HECW2: variants seen among roughly 807,000 people sequenced by gnomAD.
HECW2 encodes E3 ubiquitin-protein ligase HECW2.
A neutral mutation model predicts 175.2 loss-of-function variants in HECW2; 61 were observed. That is an observed-to-expected ratio of 0.35 (90% CI 0.28 to 0.43). The LOEUF is 0.43. Ranked by LOEUF, HECW2 falls within the 20% of genes least tolerant of loss-of-function variation. HECW2 has a pLI of 1.00. For missense variants in HECW2, 1,524 were observed against 2,000.5 expected, an observed-to-expected ratio of 0.76 and a Z score of 4.54; for synonymous variants, 671 against 731.0, an observed-to-expected ratio of 0.92 and a Z score of 1.32.
intron 2 of HECW2, among the ~76,000 whole-genome samples, chr2:196,428,364 AT>A (rs1695609284): frequency 6.6e-6 from 1 of 152,180 alleles, no homozygotes; most frequent in South Asian, 2.1e-4. Context: ...CAGCACATCT[AT>A]TTCACAGAGC....
chr2:196,553,655 T>A (rs1689682058), intron 1 of HECW2, among the ~76,000 whole-genome samples: 1 of 152,246 alleles, frequency 6.6e-6, no homozygotes, highest in Admixed American at 6.5e-5. Flanking sequence ...TTTGTTGGTC[T>A]AGGAGACATC....
chr2:196,389,802 T>C (rs1408446970), intron 2 of HECW2, among the ~76,000 whole-genome samples: 1 of 151,992 alleles, frequency 6.6e-6, no homozygotes, highest in African/African-American at 2.4e-5. Context: ...GGGGAGTGAG[T>C]TCAGATGTTT....
intron 2 of HECW2, among the ~76,000 whole-genome samples, chr2:196,413,349 T>C (rs1402909677): frequency 6.6e-6 from 1 of 151,304 alleles, no homozygotes; most frequent in African/African-American, 2.4e-5. Context: ...AGCAAGACCC[T>C]GTCTTTTTTT....
rs76236855 is a variant in HECW2 at position 196,399,581 on chromosome 2, C to T, written c.292+33551G>A. On this transcript the variant is annotated intron_variant, in intron 2 of 28. Transcript: ENST00000644978. ...GCATGTTACAAACATTTGCTCACTT[C>T]TTTCTCTAGTCCTACAGGAGTTATG... 4.5e-4 allele frequency among the ~76,000 whole-genome samples: 69 copies of T among 152,324 alleles called. 1 individual carries two copies. The East Asian group carries it at 0.012, about 27-fold the overall frequency.
chr2:196,531,009 TCCGCAATATTATCC>T (rs1309354709), intron 1 of HECW2, among the ~76,000 whole-genome samples: 1 of 152,200 alleles, frequency 6.6e-6, no homozygotes, highest in Non-Finnish European at 1.5e-5. Context: ...TCTCACTTCC[TCCGCAATATTATCC>T]CTAACCTTAA....
intron 1 of HECW2, among the ~76,000 whole-genome samples, chr2:196,564,346 C>T (rs1335444887): frequency 6.6e-6 from 1 of 151,918 alleles, no homozygotes; most frequent in Non-Finnish European, 1.5e-5. Flanking sequence ...GATAATTCAA[C>T]ATAAAATGTA....
intron 1 of HECW2, among the ~76,000 whole-genome samples, chr2:196,550,262 T>A (rs1265411937): frequency 1.3e-5 from 2 of 152,192 alleles, no homozygotes; most frequent in Non-Finnish European, 2.9e-5. Context: ...GAAGTCTCCA[T>A]CCAGACTTCA....
At chr2:196,358,737 C>A (rs1180721523) in intron 2 of HECW2, among the ~76,000 whole-genome samples, 1 of 151,284 alleles carries the variant, frequency 6.6e-6, no homozygotes, top group Non-Finnish European at 1.5e-5. Flanking sequence ...ATTCTAATTT[C>A]TCATAAATAT....
At chr2:196,382,637 C>T (rs1694239631) in intron 2 of HECW2, among the ~76,000 whole-genome samples, 1 of 152,096 alleles carries the variant, frequency 6.6e-6, no homozygotes, top group African/African-American at 2.4e-5. Context: ...AGAGTCTGTA[C>T]AATATAATAG....
chr2:196,535,289 G>A (rs1342281593), intron 1 of HECW2, among the ~76,000 whole-genome samples: 2 of 152,210 alleles, frequency 1.3e-5, no homozygotes, highest in African/African-American at 4.8e-5. Context: ...TGCCACCACT[G>A]TGAGAACTGC....
rs570065923 is a variant in HECW2, at chr2:196,420,127, C to T, written c.292+13005G>A. Reference sequence around the variant, plus strand: ...ATTCATAATTTAAATAAAATAAGTACAAAAACTCAAACTATGAAAATGTGG... The same window carrying T: ...ATTCATAATTTAAATAAAATAAGTATAAAAACTCAAACTATGAAAATGTGG... On this transcript the variant is annotated intron_variant, in intron 2 of 28. Transcript: ENST00000644978. Among the ~76,000 whole-genome samples, 7 of 152,226 alleles carry T rather than the reference C, an allele frequency of 4.6e-5. No individual in the cohort carries two copies. The East Asian group carries it at 9.6e-4, about 21-fold the overall frequency.
chr2:196,395,637 A>G lies in HECW2; in HGVS notation c.292+37495T>C, dbSNP rs1694638521. Reference sequence around the variant, plus strand: ...ATGTTTAACATCACTAATGATGCATATCATCATTAGGAAAATGCAAGCCAA... The same window carrying G: ...ATGTTTAACATCACTAATGATGCATGTCATCATTAGGAAAATGCAAGCCAA... On this transcript the variant is annotated intron_variant, in intron 2 of 28. Transcript: ENST00000644978. 1.3e-5 allele frequency among the ~76,000 whole-genome samples: 2 copies of G among 152,130 alleles called. 1 individual carries two copies. The highest frequency in any genetic ancestry group is 4.1e-4 in the South Asian group (2 of 4,826).
chr2:196,245,657 C>T (rs186889716), intron 19 of HECW2, among the ~76,000 whole-genome samples: 1 of 152,210 alleles, frequency 6.6e-6, no homozygotes, highest in East Asian at 1.9e-4. Flanking sequence ...GAGGTGAATA[C>T]TAAAGACAGG....
chr2:196,244,690 C>T (rs1688584683), intron 19 of HECW2, among the ~76,000 whole-genome samples: 1 of 152,136 alleles, frequency 6.6e-6, no homozygotes, highest in Non-Finnish European at 1.5e-5. Flanking sequence ...GGAACCACAC[C>T]TTGCAAAAGA....
At chr2:196,337,662 A>G (rs568912971) in intron 3 of HECW2, among the ~76,000 whole-genome samples, 147 of 152,036 alleles carry the variant, frequency 9.7e-4, no homozygotes, top group Non-Finnish European at 1.8e-3. Context: ...TATATGTTAT[A>G]TATCTATCTA....
At chr2:196,517,479 G>A (rs1688192098) in intron 1 of HECW2, among the ~76,000 whole-genome samples, 1 of 151,896 alleles carries the variant, frequency 6.6e-6, no homozygotes, top group African/African-American at 2.4e-5. Context: ...CTGAAATAAA[G>A]TCTGTATTTA....
intron 10 of HECW2, among the ~76,000 whole-genome samples, chr2:196,312,585 AC>A (rs2105732368): frequency 6.6e-6 from 1 of 152,306 alleles, no homozygotes; most frequent in Admixed American, 6.5e-5. Context: ...ATTTCCCCAT[AC>A]GGAGTTGCGG....
At chr2:196,230,979 T>C (rs1254880737) in intron 21 of HECW2, among the ~76,000 whole-genome samples, 1 of 149,846 alleles carries the variant, frequency 6.7e-6, no homozygotes, top group African/African-American at 2.5e-5. Context: ...GGCGCATGCC[T>C]GTAATCCCAG....
chr2:196,211,220 G>A (rs968177945), intron 28 of HECW2, among the ~76,000 whole-genome samples: 3 of 152,144 alleles, frequency 2.0e-5, no homozygotes, highest in Middle Eastern at 3.2e-3. Context: ...GATGAACACA[G>A]AAACTCACAC....
Sources: allele counts gnomAD v4.1 joint callset (sites outside exome capture counted in the v4.1 genomes callset), GRCh38; gene constraint gnomAD v4.1.1; transcripts MANE v1.5; gene names NCBI Gene and HGNC (gene_info 2026-07-23, HGNC 2026-07-21).